The following LRRC1 variants were observed in gnomAD, a reference collection of about 807,000 sequenced individuals.
LRRC1 encodes leucine rich repeat containing 1, also known as leucine-rich repeat-containing protein 1.
Under a neutral mutation model 69.9 loss-of-function variants are expected in LRRC1, and 28 were observed. That is an observed-to-expected ratio of 0.40 (90% confidence interval 0.30 to 0.55). LRRC1 has a LOEUF of 0.55. Among genes scored for constraint, LRRC1 ranks in the 20% least tolerant of loss-of-function variants. The pLI is 0.47. For synonymous variants in LRRC1, 236 were observed against 240.2 expected (o/e 0.98, Z 0.16); for missense variants, 498 against 609.0 (o/e 0.82, Z 1.92).
intron 1 of LRRC1, among the ~76,000 whole-genome samples, chr6:53,819,878 A>G (rs1286120045): frequency 1.3e-5 from 2 of 152,208 alleles, no homozygotes; most frequent in Non-Finnish European, 2.9e-5. Context: ...ATGCAGTCCT[A>G]GAGCATGTGA....
intron 10 of LRRC1, among the ~76,000 whole-genome samples, chr6:53,912,905 G>GT (rs34463321): frequency 0.21 from 31,625 of 151,958 alleles, 3,988 homozygotes; most frequent in East Asian, 0.59. Flanking sequence ...AGGAGAGTGA[G>GT]TACAAGAAGA....
At chr6:53,846,966 A>G (rs1306507947) in intron 2 of LRRC1, among the ~76,000 whole-genome samples, 1 of 152,210 alleles carries the variant, frequency 6.6e-6, no homozygotes, top group African/African-American at 2.4e-5. Flanking sequence ...TTTGAATTTT[A>G]TAATCTATGC....
intron 1 of LRRC1, among the ~76,000 whole-genome samples, chr6:53,807,262 T>C (rs1012773049): frequency 6.6e-6 from 1 of 152,164 alleles, no homozygotes; most frequent in African/African-American, 2.4e-5. Context: ...TGCCGGATCC[T>C]GACAGACCCT....
At position 53,922,686 on chromosome 6, in the gene LRRC1, A is replaced by G. The variant is rs369546107; in HGVS notation, c.1468A>G (p.Lys490Glu). The change falls in exon 14 of 14, where the codon AAA becomes GAA. Residue 490 changes from lysine (K) to glutamate (E), a missense_variant. Transcript: ENST00000370888. ...ACACCCAGGGGAGTTAAAGCACATG[A>G]AAAAGACAGTGGAGAATTTACGGAA... Reference protein sequence around the residue: ...TPHPGELKHMKKTVENLRNDM... With the variant: ...TPHPGELKHMEKTVENLRNDM... 1.9e-6 allele frequency: 3 copies of G among 1,613,946 alleles called. No individual in the cohort carries two copies. Among genetic ancestry groups the G allele is most frequent in the Non-Finnish European group, 2.5e-6 (3 of 1,179,944 alleles).
At chr6:53,864,407 G>T (rs1766628813) in intron 2 of LRRC1, among the ~76,000 whole-genome samples, 1 of 152,092 alleles carries the variant, frequency 6.6e-6, no homozygotes. Context: ...CTCTCCATAT[G>T]CATTCCTCCA....
At chr6:53,855,372 G>A (rs1005883731) in intron 2 of LRRC1, among the ~76,000 whole-genome samples, 12 of 152,168 alleles carry the variant, frequency 7.9e-5, no homozygotes, top group African/African-American at 2.9e-4. Context: ...TGAACAAGTG[G>A]GTCTGAGCAA....
chr6:53,807,846 C>T (rs1764679851), intron 1 of LRRC1, among the ~76,000 whole-genome samples: 1 of 152,318 alleles, frequency 6.6e-6, no homozygotes, highest in Middle Eastern at 3.4e-3. Context: ...TAAGGCCTCT[C>T]TAAGGAAGTG....
At chr6:53,897,515 C>T (rs1767916414) in intron 7 of LRRC1, among the ~76,000 whole-genome samples, 156 bp downstream of exon 7, 1 of 152,140 alleles carries the variant, frequency 6.6e-6, no homozygotes. Context: ...ATTGAGCATG[C>T]ATCATTCTCC....
rs1440184247 is a variant in LRRC1, at chr6:53,807,225, C to G, written c.159+11810C>G. Among the ~76,000 whole-genome samples, 3 of 152,114 alleles carry G rather than the reference C, an allele frequency of 2.0e-5. 1 individual carries two copies. The highest frequency in any genetic ancestry group is 2.0e-4 in the Admixed American group (3 of 15,274). ...GTCAGGCTTCAGAGACATCTTGGTT[C>G]AGGAATGGGGACTAGGGATGGGTCT... On this transcript the variant is annotated intron_variant, in intron 1 of 13. Transcript: ENST00000370888.
intron 1 of LRRC1, among the ~76,000 whole-genome samples, chr6:53,814,220 T>C (rs1764883691): frequency 6.6e-6 from 1 of 152,214 alleles, no homozygotes; most frequent in Middle Eastern, 3.2e-3. Flanking sequence ...TCTTCTATTT[T>C]CTTAGTTTTT....
At chr6:53,903,819 A>G (rs1214511303) in intron 9 of LRRC1, among the ~76,000 whole-genome samples, 3 of 152,228 alleles carry the variant, frequency 2.0e-5, no homozygotes, top group Non-Finnish European at 4.4e-5. Context: ...AACTGTAAAA[A>G]TAATATTCAC....
intron 1 of LRRC1, among the ~76,000 whole-genome samples, chr6:53,809,838 A>C (rs1383639081): frequency 6.6e-6 from 1 of 152,166 alleles, no homozygotes; most frequent in Non-Finnish European, 1.5e-5. Context: ...GCCTTTAATG[A>C]AACAGGTATT....
chr6:53,905,153 T>A (rs1486679685), intron 10 of LRRC1: 2 of 151,382 alleles, frequency 1.3e-5, no homozygotes, highest in African/African-American at 4.9e-5. Flanking sequence ...CAAGGAGGTG[T>A]CTAGTGTGTT....
At chr6:53,884,519 C>G (rs192204149) in intron 4 of LRRC1, among the ~76,000 whole-genome samples, 59 of 152,008 alleles carry the variant, frequency 3.9e-4, no homozygotes, top group African/African-American at 1.4e-3. Flanking sequence ...CTTTGCCCCC[C>G]CTACACAAAA....
In LRRC1 at chr6:53,821,283, T is replaced by G. The variant is rs551247560; in HGVS notation, c.160-20827T>G. ...TTCTCTCTAAGGACAGAGCTGCATA[T>G]GACTTTTCTGGGTCCTAGCATAGGC... On this transcript the variant is annotated intron_variant, in intron 1 of 13. Transcript: ENST00000370888. Among the ~76,000 whole-genome samples the G allele has an allele frequency of 1.3e-4, 20 of 152,362 alleles. No homozygotes were observed. In the South Asian group the frequency reaches 3.9e-3, roughly 30 times the overall value.
chr6:53,896,049 T>C (rs542252033), intron 4 of LRRC1, among the ~76,000 whole-genome samples: 1 of 152,344 alleles, frequency 6.6e-6, no homozygotes, highest in South Asian at 2.1e-4. Context: ...AAAACAGGGA[T>C]GATCTCTCAC....
chr6:53,888,414 T>G (rs1449306156), intron 4 of LRRC1, among the ~76,000 whole-genome samples: 1 of 152,164 alleles, frequency 6.6e-6, no homozygotes, highest in Admixed American at 6.5e-5. Context: ...ATGTAGGACA[T>G]GTACATGCTA....
intron 1 of LRRC1, among the ~76,000 whole-genome samples, chr6:53,795,931 G>T (rs1764286802): frequency 6.6e-6 from 1 of 152,264 alleles, no homozygotes; most frequent in African/African-American, 2.4e-5. Flanking sequence ...GAGGAATGAG[G>T]AATGTGCTCC....
chr6:53,804,415 G>A (rs1007580420), intron 1 of LRRC1, among the ~76,000 whole-genome samples: 1 of 152,122 alleles, frequency 6.6e-6, no homozygotes, highest in Non-Finnish European at 1.5e-5. Flanking sequence ...TTGATTTTAG[G>A]ATGTATTTTA....
Sources: gnomAD v4.1 joint callset for allele counts (sites outside exome capture counted in the v4.1 genomes callset) on GRCh38, gnomAD v4.1.1 for gene constraint, MANE v1.5 for transcripts, NCBI Gene and HGNC (gene_info 2026-07-23, HGNC 2026-07-21) for gene names.